Variants in CTNNA3 observed in about 807,000 individuals in gnomAD.
CTNNA3 encodes the protein catenin alpha 3, also known as catenin alpha-3.
In CTNNA3, 76 loss-of-function variants were observed where a neutral mutation model predicts 95.7. That is an observed-to-expected ratio of 0.79 (90% CI 0.66 to 0.96). CTNNA3 has a LOEUF of 0.96. Among genes scored for constraint, CTNNA3 ranks in the 40% least tolerant of loss-of-function variants. The pLI is 0.00. For missense variants in CTNNA3, 1,191 were observed against 1,089.8 expected (o/e 1.09, Z -1.31); for synonymous variants, 431 against 374.4 (o/e 1.15, Z -1.74).
At chr10:67,692,736 T>TTAAAA (rs779353642) in intron 1 of CTNNA3, among the ~76,000 whole-genome samples, 4 of 80,840 alleles carry the variant, frequency 4.9e-5, no homozygotes, top group Non-Finnish European at 8.0e-5. Flanking sequence ...GAATGATCAA[T>TTAAAA]AAAAAAAAAA....
At chr10:67,505,784 C>T (rs1564700181) in intron 5 of CTNNA3, among the ~76,000 whole-genome samples, 1 of 152,126 alleles carries the variant, frequency 6.6e-6, no homozygotes, top group Non-Finnish European at 1.5e-5. Flanking sequence ...GCTCATACAG[C>T]TCTTTTAGAA....
chr10:67,144,861 A>G (rs1470051528), intron 7 of CTNNA3, among the ~76,000 whole-genome samples: 7 of 152,218 alleles, frequency 4.6e-5, no homozygotes. Context: ...CAAATTAGCT[A>G]GCTTTTTGGT....
At position 67,701,714 on chromosome 10, in the gene CTNNA3, C is replaced by G. The variant is rs190150550; in HGVS notation, c.-1-54200G>C. ...CATCGAGGCTAGGAAGAAACTGCATCAACTAATGAGCAAAATAACCAGCTA... is the reference window on the plus strand; with the variant it reads ...CATCGAGGCTAGGAAGAAACTGCATGAACTAATGAGCAAAATAACCAGCTA... On this transcript the variant is annotated intron_variant, in intron 1 of 17. Coordinates refer to the CTNNA3 transcript ENST00000684154. Among the ~76,000 whole-genome samples the G allele has an allele frequency of 3.3e-5, 5 of 152,280 alleles. No homozygotes were observed. The East Asian group carries it at 9.6e-4, about 29-fold the overall frequency.
chr10:66,204,970 T>C (rs868388241), intron 13 of CTNNA3, among the ~76,000 whole-genome samples: 5 of 152,242 alleles, frequency 3.3e-5, no homozygotes, highest in South Asian at 2.1e-4. Context: ...TAAGAATCTA[T>C]CAATATCAAT....
intron 9 of CTNNA3, among the ~76,000 whole-genome samples, chr10:66,632,814 TA>T (rs535528262): frequency 6.6e-6 from 1 of 151,934 alleles, no homozygotes; most frequent in Non-Finnish European, 1.5e-5. Context: ...TATTTGATAA[TA>T]AAAATTATTA....
intron 11 of CTNNA3, among the ~76,000 whole-genome samples, chr10:66,396,875 A>T (rs183015285): frequency 1.2e-3 from 188 of 152,008 alleles, no homozygotes; most frequent in African/African-American, 4.5e-3. Flanking sequence ...TATAATGCAA[A>T]CTAACCATTG....
At chr10:65,985,780 A>G (rs902109028) in intron 16 of CTNNA3, among the ~76,000 whole-genome samples, 4 of 151,578 alleles carry the variant, frequency 2.6e-5, no homozygotes, top group African/African-American at 9.7e-5. Flanking sequence ...AGCCAGAACC[A>G]TTAGCTAAGA....
intron 14 of CTNNA3, among the ~76,000 whole-genome samples, chr10:66,080,067 A>G (rs1162874370): frequency 6.6e-6 from 1 of 152,098 alleles, no homozygotes; most frequent in African/African-American, 2.4e-5. Context: ...CCTAAACCCA[A>G]AGTTAGCAGA....
chr10:66,383,975 C>T (rs2092865697), intron 11 of CTNNA3, among the ~76,000 whole-genome samples: 1 of 152,128 alleles, frequency 6.6e-6, no homozygotes, highest in Admixed American at 6.6e-5. Flanking sequence ...ACAACTGGTA[C>T]CAGCCACTGC....
chr10:66,533,663 T>A (rs1030966383), intron 10 of CTNNA3, among the ~76,000 whole-genome samples: 1 of 152,144 alleles, frequency 6.6e-6, no homozygotes, highest in Non-Finnish European at 1.5e-5. Flanking sequence ...TAACCAGGGC[T>A]CCAGTCTAAG....
intron 5 of CTNNA3, among the ~76,000 whole-genome samples, chr10:67,278,466 A>G (rs1839273675): frequency 3.3e-5 from 5 of 152,166 alleles, no homozygotes; most frequent in Admixed American, 3.3e-4. Context: ...GCCATAGGTG[A>G]ATTTAAACAT....
rs578054426 is a variant in CTNNA3 at position 66,474,095 on chromosome 10, C to T, written c.1531+46522G>A. Among the ~76,000 whole-genome samples, 6 of 152,126 alleles carry T rather than the reference C, an allele frequency of 3.9e-5. No homozygotes were observed. In the South Asian group the frequency reaches 1.2e-3, roughly 32 times the overall value. On this transcript the variant is annotated intron_variant, in intron 11 of 17. Transcript: ENST00000433211. ...CAACTTTCAAAATCCTCTCTTCTAGCTATTTTGAAATGTGCAATACAATAT... is the reference window on the plus strand; with the variant it reads ...CAACTTTCAAAATCCTCTCTTCTAGTTATTTTGAAATGTGCAATACAATAT...
Position 66,865,806 on chromosome 10 carries a change from C to T in CTNNA3, c.1048-90282G>A, listed in dbSNP as rs1844151474. ...AGGGGAAAATTTGACAGTGATTCTG[C>T]ATAGAGATGGTATATTATTAAAATA... On this transcript the variant is annotated intron_variant, in intron 7 of 17. Transcript: ENST00000433211. 2.6e-5 allele frequency among the ~76,000 whole-genome samples: 4 copies of T among 151,802 alleles called. No individual in the cohort carries two copies. The South Asian group carries it at 8.3e-4, about 32-fold the overall frequency.
chr10:66,780,070 C>T (rs1174779108), intron 7 of CTNNA3, among the ~76,000 whole-genome samples: 1 of 151,990 alleles, frequency 6.6e-6, no homozygotes, highest in Middle Eastern at 3.2e-3. Context: ...TTATCAGGGA[C>T]AGGTATAGCC....
intron 3 of CTNNA3, among the ~76,000 whole-genome samples, chr10:67,562,008 AC>A (rs1277396740): frequency 2.0e-5 from 3 of 152,174 alleles, no homozygotes; most frequent in Admixed American, 6.5e-5. Flanking sequence ...TAGCTTACCA[AC>A]CAAAAAGAGT....
At chr10:66,450,713 T>C (rs2093457936) in intron 11 of CTNNA3, among the ~76,000 whole-genome samples, 1 of 152,130 alleles carries the variant, frequency 6.6e-6, no homozygotes, top group South Asian at 2.1e-4. Context: ...GACCCTGTTG[T>C]AGCAATATTT....
At chr10:66,082,281 C>G (rs956460017) in intron 14 of CTNNA3, among the ~76,000 whole-genome samples, 23 of 152,028 alleles carry the variant, frequency 1.5e-4, no homozygotes, top group African/African-American at 5.1e-4. Flanking sequence ...TCTTGAACCT[C>G]CTGATTTGAT....
intron 5 of CTNNA3, among the ~76,000 whole-genome samples, chr10:67,225,938 A>C (rs1864893251): frequency 6.6e-6 from 1 of 152,226 alleles, no homozygotes; most frequent in Admixed American, 6.5e-5. Context: ...GAGGGACCAG[A>C]GAAAGGTGAA....
intron 17 of CTNNA3, among the ~76,000 whole-genome samples, chr10:65,964,893 T>C (rs139389646): frequency 6.6e-6 from 1 of 152,174 alleles, no homozygotes; most frequent in Non-Finnish European, 1.5e-5. Context: ...TATACACACA[T>C]ACATGCTGTG....
Sources: gnomAD v4.1 joint callset for allele counts (sites outside exome capture counted in the v4.1 genomes callset) on GRCh38, gnomAD v4.1.1 for gene constraint, MANE v1.5 for transcripts, NCBI Gene and HGNC (gene_info 2026-07-23, HGNC 2026-07-21) for gene names.